Variants in PRPH2 observed in about 807,000 individuals in gnomAD.
PRPH2 encodes the protein peripherin 2, also known as peripherin-2.
A neutral mutation model predicts 31.3 loss-of-function variants in PRPH2; 17 were observed. That is an observed-to-expected ratio of 0.54 (90% CI 0.37 to 0.81). The LOEUF (loss-of-function observed/expected upper bound fraction) is 0.81, where lower values mean the gene tolerates loss of function less well. Ranked by LOEUF, PRPH2 falls within the 40% of genes least tolerant of loss-of-function variation. The pLI, the probability that PRPH2 is intolerant of heterozygous loss-of-function variation, is 0.00. For missense variants in PRPH2, 430 were observed against 439.7 expected, an observed-to-expected ratio of 0.98 and a Z score of 0.20; for synonymous variants, 165 against 184.4, an observed-to-expected ratio of 0.89 and a Z score of 0.85.
chr6:42,699,690 C>T (rs1244222253), intron 2 of PRPH2, among the ~76,000 whole-genome samples: 3 of 152,120 alleles, frequency 2.0e-5, no homozygotes, highest in African/African-American at 7.2e-5. Flanking sequence ...AGTTCGAGAC[C>T]AGCCTGGGCA....
At chr6:42,698,824 C>T (rs665368) in intron 2 of PRPH2, among the ~76,000 whole-genome samples, 125,835 of 151,944 alleles carry the variant, frequency 0.83, 52,216 homozygotes, top group East Asian at 0.88. Context: ...TAGAACCTTG[C>T]TCCTCTCCAC....
chr6:42,709,499 C>A (rs557513873), intron 1 of PRPH2, among the ~76,000 whole-genome samples: 1 of 152,112 alleles, frequency 6.6e-6, no homozygotes, highest in Non-Finnish European at 1.5e-5. Flanking sequence ...CTATTCTAGG[C>A]GCTGAAGACA....
chr6:42,722,571 G>A lies in PRPH2; in HGVS notation c.-237C>T, dbSNP rs1460592285. ...GCAGGGGATAGTCCTGGTCCTGGGCGTTGTTTCTTCAGCGCCCTTCCCAGC... is the reference window on the plus strand; with the variant it reads ...GCAGGGGATAGTCCTGGTCCTGGGCATTGTTTCTTCAGCGCCCTTCCCAGC... On this transcript the variant is annotated 5_prime_UTR_variant, in exon 1 of 3. It adds an upstream start codon to the 5' untranslated region. Transcript: ENST00000230381. The surrounding 1 kb of genome is among the most constrained non-coding windows in gnomAD (Gnocchi z 4.4). 9 of 1,403,606 alleles carry A rather than the reference G, an allele frequency of 6.4e-6. No homozygotes were observed. Among genetic ancestry groups the A allele is most frequent in the East Asian group, 2.7e-5 (1 of 37,354 alleles). The allele number at this position is 1,403,606 out of a possible 1,614,324, so 86.9% of individuals were successfully genotyped here.
chr6:42,713,052 C>T (rs1172480999), intron 1 of PRPH2, among the ~76,000 whole-genome samples: 1 of 151,680 alleles, frequency 6.6e-6, no homozygotes, highest in African/African-American at 2.4e-5. Context: ...TGGTGAAACC[C>T]TGTCTCTACT....
Position 42,722,133 on chromosome 6 carries a change from C to T in PRPH2, c.202G>A (p.Gly68Arg), listed in dbSNP as rs61755774. Residue 68 changes from glycine to arginine, a missense_variant, in exon 1 of 3, where the codon GGG becomes AGG. Transcript: ENST00000230381. This position sits in a 1 kb window ranked among gnomAD's most constrained non-coding sequence, Gnocchi z 4.4. ...HFVPNSLIGM[G>R]VLSCVFNSLA... is the part of the protein sequence containing the mutation. ...GAGTTGAAGACACAGGATAGCACCC[C>T]CATCCCTATCAATGAGTTGGGCACA... is the stretch of plus-strand genomic sequence containing the variant. 1 of 1,614,192 alleles carries T rather than the reference C, an allele frequency of 6.2e-7. No homozygotes were observed. Among genetic ancestry groups the T allele is most frequent in the Non-Finnish European group, 8.5e-7 (1 of 1,180,028 alleles).
chr6:42,714,597 G>C (rs953739274), intron 1 of PRPH2, among the ~76,000 whole-genome samples: 1 of 152,152 alleles, frequency 6.6e-6, no homozygotes, highest in Non-Finnish European at 1.5e-5. Context: ...GCTCACTGCT[G>C]CCTCAATTTC....
At chr6:42,717,691 G>A (rs1761814377) in intron 1 of PRPH2, among the ~76,000 whole-genome samples, 1 of 152,178 alleles carries the variant, frequency 6.6e-6, no homozygotes, top group Admixed American at 6.5e-5. Context: ...TTTCCTTGGA[G>A]GTGGGAGTAA....
chr6:42,697,810 T>TAA lies in PRPH2; in HGVS notation c.*483_*484dup, dbSNP rs55851577. The TAA allele has an allele frequency of 0.48, 69,343 of 143,368 alleles. 16,975 individuals are homozygous for TAA. Among genetic ancestry groups the TAA allele is most frequent in the Middle Eastern group, 0.52 (138 of 266 alleles). The allele number at this position is 143,368 out of a possible 1,614,324, so 8.9% of individuals were successfully genotyped here. On this transcript the variant is annotated 3_prime_UTR_variant, in exon 3 of 3. Coordinates refer to ENST00000230381, the MANE Select transcript of PRPH2 (RefSeq NM_000322.5). ...ACGGCCAACCTGTCAATCTTGGCAT[T>TAA]AAAAAAAAAAAAAAAAGACAACATG...
chr6:42,716,587 T>G, intron 1 of PRPH2, among the ~76,000 whole-genome samples: 1 of 149,724 alleles, frequency 6.7e-6, no homozygotes, highest in Non-Finnish European at 1.5e-5. Context: ...CTAGCTAATT[T>G]TTTTTGTTTG....
At chr6:42,709,342 A>AC (rs1800232374) in intron 1 of PRPH2, among the ~76,000 whole-genome samples, 1 of 142,704 alleles carries the variant, frequency 7.0e-6, no homozygotes, top group Non-Finnish European at 1.6e-5. Flanking sequence ...ATTAAAAAAA[A>AC]AAAAAAAAAA....
chr6:42,710,451 A>C (rs189080894), intron 1 of PRPH2, among the ~76,000 whole-genome samples: 1 of 152,128 alleles, frequency 6.6e-6, no homozygotes, highest in Non-Finnish European at 1.5e-5. Flanking sequence ...TTCTGGAGCT[A>C]TCCCTCCCCC....
At chr6:42,706,554 G>A (rs1033750547) in intron 1 of PRPH2, among the ~76,000 whole-genome samples, 5 of 149,590 alleles carry the variant, frequency 3.3e-5, no homozygotes, top group African/African-American at 9.9e-5. Context: ...GCAGTGAGCC[G>A]AGATCACGCC....
chr6:42,704,261 C>A (rs1475308734), intron 2 of PRPH2, 104 bp downstream of exon 2: 3 of 1,485,582 alleles, frequency 2.0e-6, no homozygotes, highest in Non-Finnish European at 1.8e-6. Context: ...AAGGCTGTTT[C>A]CAAAGAGGGA....
In PRPH2 at chr6:42,721,758, T is replaced by C; in HGVS notation, c.577A>G (p.Lys193Glu). Residue 193 changes from lysine (K) to glutamate (E), a missense_variant, in exon 1 of 3, where the codon AAA (lysine) becomes GAA (glutamate). Lys to Glu is a moderately conservative substitution (Grantham distance 56). Transcript: ENST00000230381. ...RYLDFSSKEV[K>E]DRIKSNVDGR... ...CCAGGACTGGAAGCCACTCACTCTT[T>C]GACTTCTTTGGAGGAAAAGTCCAGG... is the stretch of plus-strand genomic sequence containing the variant. The C allele has an allele frequency of 6.2e-7, 1 of 1,614,196 alleles. No homozygotes were observed.
chr6:42,708,889 A>G (rs1036244018), intron 1 of PRPH2, among the ~76,000 whole-genome samples: 3 of 152,216 alleles, frequency 2.0e-5, no homozygotes, highest in Non-Finnish European at 4.4e-5. Flanking sequence ...CGCATTTGAC[A>G]CAGGCTGGAC....
At chr6:42,720,763 G>A (rs780996921) in intron 1 of PRPH2, among the ~76,000 whole-genome samples, 1 of 152,252 alleles carries the variant, frequency 6.6e-6, no homozygotes, top group South Asian at 2.1e-4. Flanking sequence ...AGGTAGGGTC[G>A]AGTCAGACAG....
At chr6:42,700,738 ACAT>A (rs1800030721) in intron 2 of PRPH2, among the ~76,000 whole-genome samples, 1 of 152,036 alleles carries the variant, frequency 6.6e-6, no homozygotes, top group African/African-American at 2.4e-5. Context: ...CATAAATTAG[ACAT>A]CATCTCCTGA....
intron 2 of PRPH2, among the ~76,000 whole-genome samples, chr6:42,702,917 C>T (rs1249581908): frequency 1.3e-5 from 2 of 151,640 alleles, no homozygotes; most frequent in African/African-American, 4.8e-5. Flanking sequence ...TGGCACACAC[C>T]TGTAATCCCA....
chr6:42,709,806 G>A (rs1582770007), intron 1 of PRPH2, among the ~76,000 whole-genome samples: 1 of 152,208 alleles, frequency 6.6e-6, no homozygotes, highest in South Asian at 2.1e-4. Context: ...AGGCCTGGAA[G>A]TTAAATTTCC....
Sources: gnomAD v4.1 joint callset for allele counts (sites outside exome capture counted in the v4.1 genomes callset) on GRCh38, gnomAD v4.1.1 for gene constraint, Gnocchi (gnomAD v3.1) non-coding constraint, MANE v1.5 for transcripts, NCBI Gene and HGNC (gene_info 2026-07-23, HGNC 2026-07-21) for gene names.